Variants in HJURP observed in about 807,000 individuals in gnomAD.
HJURP encodes Holliday junction recognition protein.
Under a neutral mutation model 72.0 loss-of-function variants are expected in HJURP, and 49 were observed. The ratio of observed to expected loss-of-function variants is 0.68; its 90% CI spans 0.54 to 0.86. The LOEUF is 0.86. Ranked by LOEUF, HJURP falls within the 40% of genes least tolerant of loss-of-function variation. The pLI is 0.00. For synonymous variants in HJURP, 357 were observed against 347.1 expected (o/e 1.03, Z -0.32); for missense variants, 908 against 936.3 (o/e 0.97, Z 0.39).
rs976980644 is a variant in HJURP, at chr2:233,853,715, G to A, written c.184+129C>T. 4 of 688,280 alleles carry A rather than the reference G, an allele frequency of 5.8e-6. No individual in the cohort carries two copies. The African/African-American group carries it at 7.1e-5, about 12-fold the overall frequency. 42.6% of individuals were successfully genotyped at this position (688,280 alleles called of 1,614,324 possible). A position where few individuals can be genotyped will look rare whatever the true frequency, so the allele number is the denominator to read the frequency against. The stretch of plus-strand genomic sequence containing the variant: ...TAATTCAAGTAATTTACAGGTTTAA[G>A]GGCACCAATGTTTTGGTTCCTATTA... On this transcript the variant is annotated intron_variant, in intron 2 of 8. Coordinates refer to ENST00000411486, the MANE Select transcript of HJURP (RefSeq NM_018410.5).
At position 233,842,296 on chromosome 2, in the gene HJURP, CTA is replaced by C. The variant is rs1705253503; in HGVS notation, c.575-93_575-92del. 2.6e-5 allele frequency: 31 copies of C among 1,173,444 alleles called. No individual in the cohort carries two copies. The South Asian group carries it at 4.5e-4, about 17-fold the overall frequency. The allele number at this position is 1,173,444 out of a possible 1,614,324, so 72.7% of individuals were successfully genotyped here. A position where few individuals can be genotyped will look rare whatever the true frequency, so the allele number is the denominator to read the frequency against. Reference sequence around the variant, plus strand: ...GACAGAACTTAAGATTGGATCAGGACTATGTTTTTTTAAGCAATAGCAAAAAC... The same window carrying C: ...GACAGAACTTAAGATTGGATCAGGACTGTTTTTTTAAGCAATAGCAAAAAC... On this transcript the variant is annotated intron_variant, in intron 7 of 8. Coordinates refer to ENST00000411486, the MANE Select transcript of HJURP (RefSeq NM_018410.5).
chr2:233,848,300 C>G (rs184564996), intron 4 of HJURP, among the ~76,000 whole-genome samples: 2 of 152,136 alleles, frequency 1.3e-5, no homozygotes, highest in African/African-American at 4.8e-5. Context: ...GGGGTCTGTT[C>G]CAGCCTGGGG....
At position 233,842,103 on chromosome 2, in the gene HJURP, G is replaced by T. The variant is rs1705248666; in HGVS notation, c.677C>A (p.Ala226Asp). The change falls in exon 8 of 9, where the codon GCC (alanine) becomes GAC (aspartate). Residue 226 changes from alanine (A) to aspartate (D), a missense_variant. By Grantham distance (126) the Ala-to-Asp change is moderately radical. Around this residue, in one of 3 missense-constraint regions of HJURP, gnomAD observed 11 missense variants for 30.1 expected, o/e 0.37. Transcript: ENST00000411486. ...GAGGCTGTCATTTCTAGGTACTAAG[G>T]CCATGTCTGTGGAGGAAGGATGCAA... ...DPLHPSSTDM[A>D]LVPRNDSLSL... The T allele has an allele frequency of 1.2e-6, 2 of 1,614,166 alleles. No individual in the cohort carries two copies. The highest frequency in any genetic ancestry group is 4.5e-5 in the East Asian group (2 of 44,884).
At position 233,852,583 on chromosome 2, in the gene HJURP, T is replaced by G; in HGVS notation, c.222A>C (p.Arg74Ser). Residue 74 changes from arginine to serine, a missense_variant, in exon 3 of 9, where the codon AGA (arginine) becomes AGC (serine). Transcript: ENST00000411486. ...RIWGGRLIKERNEGEIQDSSM... is the reference protein window; with the variant it reads ...RIWGGRLIKESNEGEIQDSSM... ...TAAATACCTGGATCTCTCCTTCGTT[T>G]CTTTCCTTTATTAGTCTTCCACCCC... The G allele has an allele frequency of 6.2e-7, 1 of 1,604,590 alleles. No homozygotes were observed. Among genetic ancestry groups the G allele is most frequent in the Non-Finnish European group, 8.5e-7 (1 of 1,171,150 alleles).
chr2:233,851,107 A>C (rs964706594), intron 3 of HJURP, among the ~76,000 whole-genome samples: 1 of 152,276 alleles, frequency 6.6e-6, no homozygotes. Flanking sequence ...TTCCTCCTAC[A>C]TTTTAAGCAA....
intron 3 of HJURP, 134 bp from the exon 4 acceptor site, chr2:233,849,993 T>C: frequency 1.6e-6 from 1 of 627,022 alleles, no homozygotes; most frequent in Non-Finnish European, 2.9e-6. Flanking sequence ...GCTTCTCTTC[T>C]CCCTGCATGT....
intron 7 of HJURP, 95 bp from the exon 8 acceptor site, chr2:233,842,300 G>GT (rs1396630710): frequency 4.5e-6 from 5 of 1,108,570 alleles, no homozygotes; most frequent in Non-Finnish European, 6.4e-6. Context: ...TCAGGACTAT[G>GT]TTTTTTTAAG....
intron 5 of HJURP, 54 bp downstream of exon 5, chr2:233,847,343 C>A (rs1705386428): frequency 7.2e-7 from 1 of 1,385,708 alleles, no homozygotes; most frequent in Non-Finnish European, 1.0e-6. Context: ...TTTGATGGAC[C>A]CCTGAGCCCC....
At chr2:233,842,334 C>CA in intron 7 of HJURP, 129 bp from the exon 8 acceptor site, 1 of 718,186 alleles carries the variant, frequency 1.4e-6, no homozygotes, top group South Asian at 2.0e-5. Flanking sequence ...AAAAACACCA[C>CA]AAATGTGTAG....
At chr2:233,849,678 A>C in intron 4 of HJURP, 85 bp downstream of exon 4, 1 of 819,320 alleles carries the variant, frequency 1.2e-6, no homozygotes, top group Non-Finnish European at 2.0e-6. Flanking sequence ...TTCACTACTG[A>C]GGAATCTAGG....
At chr2:233,844,338 C>T in intron 6 of HJURP, 55 bp from the exon 7 acceptor site, 1 of 1,376,802 alleles carries the variant, frequency 7.3e-7, no homozygotes, top group South Asian at 1.2e-5. Flanking sequence ...CAACTGGGTG[C>T]AAGGAGCTGG....
chr2:233,852,037 A>G (rs1003150727), intron 3 of HJURP, among the ~76,000 whole-genome samples: 9 of 152,320 alleles, frequency 5.9e-5, no homozygotes, highest in African/African-American at 2.2e-4. Flanking sequence ...CGGGTCTCAG[A>G]GCGACAACAC....
At chr2:233,844,331 C>A in intron 6 of HJURP, 48 bp from the exon 7 acceptor site, 4 of 1,470,312 alleles carry the variant, frequency 2.7e-6, no homozygotes, top group Non-Finnish European at 3.8e-6. Context: ...CAGGTGTCAA[C>A]TGGGTGCAAG....
rs1381738437 is a variant in HJURP at position 233,844,229 on chromosome 2, C to T, written c.550G>A (p.Ala184Thr). Reference sequence around the variant, plus strand: ...CCGGGGGCAGGCACGGCAGGTGAGGCCAGTGAAGGCAGCGGAGTCACACGT... The same window carrying T: ...CCGGGGGCAGGCACGGCAGGTGAGGTCAGTGAAGGCAGCGGAGTCACACGT... ...DVRVTPLPSL[A>T]SPAVPAPGYC... Residue 184 changes from alanine (A) to threonine (T), a missense_variant, in exon 7 of 9, where the codon GCC becomes ACC. This residue lies in a region of HJURP where 299 missense variants were observed against 286.7 expected (regional missense o/e 1.04). Coordinates refer to ENST00000411486, the MANE Select transcript of HJURP (RefSeq NM_018410.5). 2 of 1,613,972 alleles carry T rather than the reference C, an allele frequency of 1.2e-6. No individual in the cohort carries two copies. The highest frequency in any genetic ancestry group is 2.7e-5 in the African/African-American group (2 of 74,918).
At chr2:233,845,628 G>A (rs542060723) in intron 6 of HJURP, 100 bp downstream of exon 6, 17 of 711,532 alleles carry the variant, frequency 2.4e-5, no homozygotes, top group South Asian at 1.9e-4. Context: ...TGCTCTTTAT[G>A]GGTTCTGTAG....
chr2:233,849,766 C>T lies in HJURP; in HGVS notation c.334G>A (p.Ala112Thr). 1 of 1,550,676 alleles carries T rather than the reference C, an allele frequency of 6.4e-7. No homozygotes were observed. Among genetic ancestry groups the T allele is most frequent in the Non-Finnish European group, 8.7e-7 (1 of 1,146,418 alleles). ...ELPSHRTVLG[A>T]DSKSGEVDAT... is the part of the protein sequence containing the mutation. ...CTCTGACGAAGGCAACACTCACCGG[C>T]TCCCAGGACTGTGCGGTGCGAGGGA... Residue 112 changes from alanine to threonine, a missense_variant, in exon 4 of 9, where the codon GCC becomes ACC. Coordinates refer to ENST00000411486, the MANE Select transcript of HJURP (RefSeq NM_018410.5).
chr2:233,840,536 C>T lies in HJURP; in HGVS notation c.2171+73G>A, dbSNP rs1705193626. 4.2e-6 allele frequency: 6 copies of T among 1,436,292 alleles called. No individual in the cohort carries two copies. In the South Asian group the frequency reaches 7.0e-5, roughly 17 times the overall value. The allele number at this position is 1,436,292 out of a possible 1,614,324, so 89.0% of individuals were successfully genotyped here. ...TTCACTAAACGTGGCGCAAAGATTC[C>T]TACCATAAAAAGCCTCTGTCCAAAG... On this transcript the variant is annotated intron_variant, in intron 8 of 8. Coordinates refer to ENST00000411486, the MANE Select transcript of HJURP (RefSeq NM_018410.5).
intron 8 of HJURP, among the ~76,000 whole-genome samples, chr2:233,839,489 A>T (rs1705163288): frequency 6.6e-6 from 1 of 152,228 alleles, no homozygotes; most frequent in South Asian, 2.1e-4. Context: ...GGGAAGACAG[A>T]GTGACAGTGA....
rs763240084 is a variant in HJURP at position 233,849,855 on chromosome 2, G to T, written c.245C>A (p.Ser82Tyr). The T allele has an allele frequency of 5.2e-6, 8 of 1,547,406 alleles. No individual in the cohort carries two copies. The highest frequency in any genetic ancestry group is 7.0e-6 in the Non-Finnish European group (8 of 1,143,166). ...TGTCCTGTCCGCGGGCTTCATGGAG[G>T]AGTCCTCCAAGTGCAGAAGCCAATA... ...KERNEGEIQD[S>Y]SMKPADRTDG... Residue 82 changes from serine to tyrosine, a missense_variant, in exon 4 of 9, where the codon TCC becomes TAC. Around this residue, in one of 3 missense-constraint regions of HJURP, gnomAD observed 299 missense variants for 286.7 expected, o/e 1.04. Coordinates refer to ENST00000411486, the MANE Select transcript of HJURP (RefSeq NM_018410.5).
Sources: allele counts gnomAD v4.1 joint callset (sites outside exome capture counted in the v4.1 genomes callset), GRCh38; gene constraint gnomAD v4.1.1; regional missense constraint gnomAD v4.1.1; transcripts MANE v1.5; gene names NCBI Gene and HGNC (gene_info 2026-07-23, HGNC 2026-07-21).